The following OPLAH variants were observed in gnomAD, a reference collection of about 807,000 sequenced individuals.
OPLAH encodes the protein 5-oxoprolinase, ATP-hydrolysing, also known as 5-oxoprolinase.
Under a neutral mutation model 122.8 loss-of-function variants are expected in OPLAH, and 103 were observed. The observed-to-expected ratio is 0.84, with a 90% CI of 0.71 to 0.99. OPLAH has a LOEUF of 0.99. Among genes scored for constraint, OPLAH ranks in the 50% least tolerant of loss-of-function variants. The pLI is 0.00. For missense variants in OPLAH, 1,902 were observed against 1,836.5 expected, an observed-to-expected ratio of 1.04 and a Z score of -0.65; for synonymous variants, 875 against 796.0, an observed-to-expected ratio of 1.10 and a Z score of -1.67.
upstream of OPLAH, among the ~76,000 whole-genome samples, chr8:144,061,157 G>C (rs1835656624): frequency 6.6e-6 from 1 of 152,216 alleles, no homozygotes; most frequent in Non-Finnish European, 1.5e-5. Flanking sequence ...AGCCCTCCTT[G>C]TGCCAGAGGC....
In OPLAH at chr8:144,057,498, C is replaced by G; in HGVS notation, c.1372G>C (p.Val458Leu). Reference protein sequence around the residue: ...LSLEEVAMGFVRVANEAMCRP... With the variant: ...LSLEEVAMGFLRVANEAMCRP... ...CACATGGCCTCGTTGGCCACGCGCA[C>G]GAACCCCATGGCCACCTCCTCCAGG... Residue 458 changes from valine to leucine, a missense_variant, in exon 10 of 27, where the codon GTG becomes CTG. By Grantham distance (32) the Val-to-Leu change is conservative. Around this residue, in one of 3 missense-constraint regions of OPLAH, gnomAD observed 1,726 missense variants for 1,642.1 expected, o/e 1.05. Coordinates refer to ENST00000618853, the MANE Select transcript of OPLAH (RefSeq NM_017570.5). 6.3e-7 allele frequency: 1 copy of G among 1,598,374 alleles called. No individual in the cohort carries two copies. Among genetic ancestry groups the G allele is most frequent in the Non-Finnish European group, 8.5e-7 (1 of 1,173,270 alleles).
intron 2 of OPLAH, 25 bp from the exon 3 acceptor site, chr8:144,059,815 G>T (rs1554760452): frequency 1.2e-6 from 2 of 1,610,576 alleles, no homozygotes; most frequent in South Asian, 2.2e-5. Context: ...GTCAGTGTGG[G>T]GCTTCTGGCC....
chr8:144,062,457 T>G (rs913007207), upstream of OPLAH, among the ~76,000 whole-genome samples: 30 of 152,076 alleles, frequency 2.0e-4, no homozygotes, highest in Non-Finnish European at 5.9e-5. Context: ...CCCACCTGCC[T>G]GCTCTGAGCA....
In OPLAH at chr8:144,052,026, C is replaced by A; in HGVS notation, c.3512G>T (p.Arg1171Ile). 1 of 1,590,376 alleles carries A rather than the reference C, an allele frequency of 6.3e-7. No individual in the cohort carries two copies. Among genetic ancestry groups the A allele is most frequent in the Non-Finnish European group, 8.5e-7 (1 of 1,176,466 alleles). Residue 1171 changes from arginine (R) to isoleucine (I), a missense_variant, in exon 25 of 27, where the codon AGA (arginine) becomes ATA (isoleucine). Arg to Ile is a moderately conservative substitution (Grantham distance 97). Coordinates refer to ENST00000618853, the MANE Select transcript of OPLAH (RefSeq NM_017570.5). The part of the protein sequence containing the change: ...RFELRRGSGG[R>I]GRFRGGDGVT... ...GCCGTCGCCGCCTCGGAAGCGGCCT[C>A]TGCCCCCCGAGCCCCGCCGCAGCTC...
intron 21 of OPLAH, 39 bp downstream of exon 21, chr8:144,052,944 G>A (rs782819096): frequency 2.5e-6 from 4 of 1,574,704 alleles, no homozygotes; most frequent in East Asian, 2.3e-5. Flanking sequence ...CGGCCGCACC[G>A]TGCCCCTGCC....
At chr8:144,054,043 C>G (rs1445078153) in intron 19 of OPLAH, among the ~76,000 whole-genome samples, 1 of 148,682 alleles carries the variant, frequency 6.7e-6, no homozygotes, top group Non-Finnish European at 1.5e-5. Context: ...AGCTTCCCCC[C>G]ACCTTGCCCC....
At chr8:144,051,688 G>T in intron 26 of OPLAH, 41 bp downstream of exon 26, 1 of 1,452,370 alleles carries the variant, frequency 6.9e-7, no homozygotes, top group Non-Finnish European at 9.4e-7. Context: ...GGCCGGGAGG[G>T]GAGGGGAGGG....
Position 144,059,951 on chromosome 8 carries a change from C to A in OPLAH, c.82G>T (p.Gly28Trp). 6.2e-7 allele frequency: 1 copy of A among 1,612,784 alleles called. No homozygotes were observed. The highest frequency in any genetic ancestry group is 8.5e-7 in the Non-Finnish European group (1 of 1,179,840). The stretch of plus-strand genomic sequence containing the variant: ...AGCAGTTTTAAGACCCGCACGTGCC[C>A]CCCTGGGCACTGGGCAAAGACGTCT... Reference protein sequence around the residue: ...FTDVFAQCPGGHVRVLKLLSE... With the variant: ...FTDVFAQCPGWHVRVLKLLSE... The change falls in exon 2 of 27, where the codon GGG becomes TGG. Residue 28 changes from glycine to tryptophan, a missense_variant. Transcript: ENST00000618853.
At chr8:144,050,791 C>T (rs1410795852), downstream of OPLAH, 1 of 987,472 alleles carries the variant, frequency 1.0e-6, no homozygotes, top group Non-Finnish European at 1.2e-6. Context: ...CCCGGATCCC[C>T]CAGGGACCGC....
In OPLAH at chr8:144,051,491, G is replaced by T. The variant is rs782679942; in HGVS notation, c.3721-19C>A. On this transcript the variant is annotated intron_variant, in intron 26 of 26. Transcript: ENST00000618853. ...ACACATCCTGTTGGCGCGGGGGGGG[G>T]CGGGGAGGCGGGCTCAGTGCAGGCG... is the stretch of plus-strand genomic sequence containing the variant. The T allele has an allele frequency of 5.8e-6, 8 of 1,382,246 alleles. 1 individual carries two copies. The highest frequency in any genetic ancestry group is 2.8e-5 in the South Asian group (2 of 72,138). The allele number at this position is 1,382,246 out of a possible 1,614,324, so 85.6% of individuals were successfully genotyped here.
In OPLAH at chr8:144,052,345, C is replaced by T; in HGVS notation, c.3304-19G>A. On this transcript the variant is annotated intron_variant, in intron 23 of 26. Transcript: ENST00000618853. ...TGCAGCCCTGGTGAGGGCACCTGGTCGCTGCGCTGGGCTGGGGCAGGGCGT... is the reference window on the plus strand; with the variant it reads ...TGCAGCCCTGGTGAGGGCACCTGGTTGCTGCGCTGGGCTGGGGCAGGGCGT... 5 of 1,512,620 alleles carry T rather than the reference C, an allele frequency of 3.3e-6. No homozygotes were observed. Among genetic ancestry groups the T allele is most frequent in the Non-Finnish European group, 4.4e-6 (5 of 1,133,052 alleles). The allele number at this position is 1,512,620 out of a possible 1,614,324, so 93.7% of individuals were successfully genotyped here. A position where few individuals can be genotyped will look rare whatever the true frequency, so the allele number is the denominator to read the frequency against.
Position 144,057,483 on chromosome 8 carries a change from C to A in OPLAH, c.1387G>T (p.Glu463Ter), listed in dbSNP as rs781798171. Residue 463 changes from glutamate (E) to a stop codon, truncating the protein, a stop_gained, in exon 10 of 27, where the codon GAG (glutamate) becomes TAG (stop). Transcript: ENST00000618853. LOFTEE classifies it high-confidence loss of function. Reference protein sequence around the residue: ...VAMGFVRVANEAMCRPIRALT... With the variant: ...VAMGFVRVAN ...GCACGGATGGGCCGGCACATGGCCT[C>A]GTTGGCCACGCGCACGAACCCCATG... is the stretch of plus-strand genomic sequence containing the variant. 2 of 1,594,296 alleles carry A rather than the reference C, an allele frequency of 1.3e-6. No individual in the cohort carries two copies. Among genetic ancestry groups the A allele is most frequent in the Non-Finnish European group, 1.7e-6 (2 of 1,171,020 alleles).
rs1554757899 is a variant in OPLAH at position 144,052,408 on chromosome 8, A to ACCCAGTCCGCCCCCGAGCTGCG, written c.3303+19_3303+40dup. The ACCCAGTCCGCCCCCGAGCTGCG allele has an allele frequency of 1.1e-5, 16 of 1,517,654 alleles. 1 individual carries two copies. The East Asian group carries it at 3.7e-4, about 35-fold the overall frequency. 94.0% of individuals were successfully genotyped at this position (1,517,654 alleles called of 1,614,324 possible). A position where few individuals can be genotyped will look rare whatever the true frequency, so the allele number is the denominator to read the frequency against. ...CTCCCGCTCCTACTCCAGCCTGCCC[A>ACCCAGTCCGCCCCCGAGCTGCG]CCCAGTCCGCCCCCGAGCTGCGCCC... On this transcript the variant is annotated intron_variant, in intron 23 of 26. Coordinates refer to ENST00000618853, the MANE Select transcript of OPLAH (RefSeq NM_017570.5).
Position 144,058,583 on chromosome 8 carries a change from C to A in OPLAH, c.696G>T (p.Gly232=), listed in dbSNP as rs782694540. Residue 232 remains glycine (G), a synonymous_variant, in exon 6 of 27, where the codon GGG becomes GGT. Coordinates refer to ENST00000618853, the MANE Select transcript of OPLAH (RefSeq NM_017570.5). ...GGTAGGCGTCGGCACAGGCCGTGTG[C>A]CCCCGAGGGACGATGCGCACCATGG... is the stretch of plus-strand genomic sequence containing the variant. ...AMPMVRIVPR[G]HTACADAYLT... 1.9e-6 allele frequency: 3 copies of A among 1,602,288 alleles called. No individual in the cohort carries two copies. The highest frequency in any genetic ancestry group is 3.3e-4 in the Middle Eastern group (2 of 6,078).
At chr8:144,054,055 C>A (rs1490198153) in intron 19 of OPLAH, among the ~76,000 whole-genome samples, 3 of 149,842 alleles carry the variant, frequency 2.0e-5, no homozygotes, top group Admixed American at 6.7e-5. Flanking sequence ...CCTTGCCCCC[C>A]AGCCTCCAGG....
At position 144,056,006 on chromosome 8, in the gene OPLAH, G is replaced by A. The variant is rs556641695; in HGVS notation, c.2097-67C>T. The stretch of plus-strand genomic sequence containing the variant: ...ACACCCCTCCAACCAGAGATGCCAC[G>A]GCCCCAGGCCAGGGGCCACCCCAAC... On this transcript the variant is annotated intron_variant, in intron 15 of 26. Coordinates refer to ENST00000618853, the MANE Select transcript of OPLAH (RefSeq NM_017570.5). 7.7e-5 allele frequency: 115 copies of A among 1,491,630 alleles called. No individual in the cohort carries two copies. In the East Asian group the frequency reaches 1.7e-3, roughly 22 times the overall value. The allele number at this position is 1,491,630 out of a possible 1,614,324, so 92.4% of individuals were successfully genotyped here. A position where few individuals can be genotyped will look rare whatever the true frequency, so the allele number is the denominator to read the frequency against.
rs1554759866 is a variant in OPLAH at position 144,058,160 on chromosome 8, G to A, written c.950-12C>T. Reference sequence around the variant, plus strand: ...ATCCGTGGACGTGCCTGGCAGGGGTGGGGTGCTGGTGGGTCACTTGAAGAC... The same window carrying A: ...ATCCGTGGACGTGCCTGGCAGGGGTAGGGTGCTGGTGGGTCACTTGAAGAC... On this transcript the variant is annotated splice_polypyrimidine_tract_variant and intron_variant, in intron 7 of 26. Transcript: ENST00000618853. The A allele has an allele frequency of 1.2e-6, 2 of 1,612,014 alleles. No individual in the cohort carries two copies. Among genetic ancestry groups the A allele is most frequent in the South Asian group, 1.1e-5 (1 of 91,040 alleles).
At chr8:144,059,469 G>T in intron 3 of OPLAH, 130 bp downstream of exon 3, 4 of 1,006,074 alleles carry the variant, frequency 4.0e-6, no homozygotes, top group Non-Finnish European at 4.3e-6. Context: ...CTGGGAATTC[G>T]GGAGCTTCCT....
chr8:144,060,038 T>G lies in OPLAH; in HGVS notation c.-6A>C, dbSNP rs782417799. 1.2e-6 allele frequency: 2 copies of G among 1,610,416 alleles called. No homozygotes were observed. The highest frequency in any genetic ancestry group is 2.2e-5 in the East Asian group (1 of 44,820). ...CGGCCCTCGGGGCTGCCCATGGTGG[T>G]GGGGCTGGAGTCCCACAGGAGCTCT... On this transcript the variant is annotated 5_prime_UTR_variant, in exon 2 of 27. Transcript: ENST00000618853.
Sources: gnomAD v4.1 joint callset for allele counts (sites outside exome capture counted in the v4.1 genomes callset) on GRCh38, gnomAD v4.1.1 for gene constraint, gnomAD v4.1.1 regional missense constraint, MANE v1.5 for transcripts, NCBI Gene and HGNC (gene_info 2026-07-23, HGNC 2026-07-21) for gene names.